Variants in ATAD2 observed in about 807,000 individuals in gnomAD.
The protein encoded by ATAD2 is ATPase family AAA domain-containing protein 2.
A neutral mutation model predicts 168.9 loss-of-function variants in ATAD2; 62 were observed. The ratio of observed to expected loss-of-function variants is 0.37; its 90% CI spans 0.30 to 0.45. ATAD2 has a LOEUF of 0.45. ATAD2 is among the 20% of genes least tolerant of loss of function. ATAD2 has a pLI of 1.00. For synonymous variants in ATAD2, 613 were observed against 571.6 expected, an observed-to-expected ratio of 1.07 and a Z score of -1.03; for missense variants, 1,419 against 1,667.8, an observed-to-expected ratio of 0.85 and a Z score of 2.60.
chr8:123,396,439 C>G lies in ATAD2; in HGVS notation c.-82G>C. The G allele has an allele frequency of 1.5e-6, 2 of 1,376,982 alleles. No individual in the cohort carries two copies. Among genetic ancestry groups the G allele is most frequent in the Admixed American group, 5.9e-5 (2 of 33,874 alleles). 85.3% of individuals were successfully genotyped at this position (1,376,982 alleles called of 1,614,324 possible). ...CTCGCAGCTCTGGCTCTTCCGCGCT[C>G]CGAATTCTGGCGCCACAAGCTCCGC... On this transcript the variant is annotated 5_prime_UTR_variant, in exon 1 of 28. Coordinates refer to ENST00000287394, the MANE Select transcript of ATAD2 (RefSeq NM_014109.4).
intron 25 of ATAD2, among the ~76,000 whole-genome samples, 187 bp downstream of exon 25, chr8:123,328,003 T>C (rs1179394411): frequency 6.6e-6 from 1 of 152,198 alleles, no homozygotes; most frequent in African/African-American, 2.4e-5. Flanking sequence ...CTAGGTCTGT[T>C]TGATGCCACA....
At chr8:123,393,334 G>C (rs950200600) in intron 1 of ATAD2, among the ~76,000 whole-genome samples, 7 of 151,962 alleles carry the variant, frequency 4.6e-5, no homozygotes, top group Admixed American at 3.9e-4. Context: ...AACATAGTGA[G>C]ACTCCATTGC....
chr8:123,328,248 A>G lies in ATAD2; in HGVS notation c.3810T>C (p.Cys1270=), dbSNP rs1827666419. 6.6e-7 allele frequency: 1 copy of G among 1,509,376 alleles called. No homozygotes were observed. The highest frequency in any genetic ancestry group is 1.4e-5 in the African/African-American group (1 of 71,002). 93.5% of individuals were successfully genotyped at this position (1,509,376 alleles called of 1,614,324 possible). ...ACTELRDKIA[C]NGDASSSQII... is the part of the protein sequence containing the mutation. ...TCTGAGAGCTAGAAGCATCTCCATT[A>G]CAAGCAATCTTGTCTCTCAATTCTG... The change falls in exon 25 of 28, where the codon TGT becomes TGC. Residue 1270 remains cysteine (C), a synonymous_variant. Coordinates refer to ENST00000287394, the MANE Select transcript of ATAD2 (RefSeq NM_014109.4).
intron 1 of ATAD2, among the ~76,000 whole-genome samples, chr8:123,382,866 A>C (rs1050524990): frequency 2.0e-5 from 3 of 152,208 alleles, no homozygotes; most frequent in African/African-American, 7.2e-5. Context: ...AGGGATTATA[A>C]ATCATTCTAC....
At chr8:123,399,367 A>G (rs1422204409), upstream of ATAD2, among the ~76,000 whole-genome samples, 2 of 152,188 alleles carry the variant, frequency 1.3e-5, no homozygotes, top group Non-Finnish European at 2.9e-5. Context: ...GCATAGTTAG[A>G]GGTGCAGGGA....
rs1563828659 is a variant in ATAD2, at chr8:123,320,712, C to CA, written c.*421dup. The CA allele has an allele frequency of 6.2e-6, 1 of 161,306 alleles. No homozygotes were observed. The highest frequency in any genetic ancestry group is 1.3e-5 in the Non-Finnish European group (1 of 74,658). The allele number at this position is 161,306 out of a possible 1,614,324, so 10.0% of individuals were successfully genotyped here. ...GGGCATTTGAAGAAAACAAAGATGA[C>CA]AAAAAAGATGGGAAGGACACAATGG... On this transcript the variant is annotated 3_prime_UTR_variant, in exon 28 of 28. Coordinates refer to ENST00000287394, the MANE Select transcript of ATAD2 (RefSeq NM_014109.4).
At chr8:123,344,689 T>C (rs1828178171) in intron 19 of ATAD2, 195 bp downstream of exon 19, 1 of 587,254 alleles carries the variant, frequency 1.7e-6, no homozygotes, top group South Asian at 2.1e-5. Flanking sequence ...GTATCCTTAA[T>C]ATATACATAC....
chr8:123,396,001 C>T (rs1252701463), intron 1 of ATAD2, among the ~76,000 whole-genome samples, 186 bp downstream of exon 1: 1 of 152,206 alleles, frequency 6.6e-6, no homozygotes, highest in Non-Finnish European at 1.5e-5. Context: ...CGGCCAGCCT[C>T]AGCTCAGCGA....
upstream of ATAD2, among the ~76,000 whole-genome samples, chr8:123,398,491 A>G (rs112324590): frequency 0.046 from 7,009 of 151,716 alleles, 561 homozygotes; most frequent in African/African-American, 0.16. Context: ...TTGGCCTCCC[A>G]AAGTTCTAGG....
rs1302154828 is a variant in ATAD2, at chr8:123,325,861, G to A, written c.4002+32C>T. On this transcript the variant is annotated intron_variant, in intron 26 of 27. Coordinates refer to ENST00000287394, the MANE Select transcript of ATAD2 (RefSeq NM_014109.4). Reference sequence around the variant, plus strand: ...AGTGTTTGGGGATTAGTAATCTGCAGAGTAAAAGCATTATGATTTCAATTT... The same window carrying A: ...AGTGTTTGGGGATTAGTAATCTGCAAAGTAAAAGCATTATGATTTCAATTT... 2.5e-6 allele frequency: 4 copies of A among 1,609,508 alleles called. No homozygotes were observed. In the South Asian group the frequency reaches 4.4e-5, roughly 18 times the overall value.
intron 1 of ATAD2, among the ~76,000 whole-genome samples, chr8:123,395,488 T>C (rs1194706101): frequency 6.6e-6 from 1 of 152,204 alleles, no homozygotes; most frequent in Non-Finnish European, 1.5e-5. Context: ...GGGAACGATT[T>C]AGGAGGCAGG....
chr8:123,334,134 A>G (rs1827852216), intron 23 of ATAD2, 66 bp downstream of exon 23: 1 of 1,540,474 alleles, frequency 6.5e-7, no homozygotes, highest in Non-Finnish European at 8.7e-7. Flanking sequence ...TGCTTCTGAA[A>G]TTCATATATT....
At chr8:123,399,384 C>T (rs971545803), upstream of ATAD2, among the ~76,000 whole-genome samples, 1 of 152,156 alleles carries the variant, frequency 6.6e-6, no homozygotes, top group African/African-American at 2.4e-5. Context: ...GGGAGTAAAG[C>T]AGTGAACCAG....
chr8:123,356,109 T>A lies in ATAD2; in HGVS notation c.1646+280A>T, dbSNP rs2891751. 15 of 167,514 alleles carry A rather than the reference T, an allele frequency of 9.0e-5. No homozygotes were observed. In the South Asian group the frequency reaches 2.8e-3, roughly 31 times the overall value. 10.4% of individuals were successfully genotyped at this position (167,514 alleles called of 1,614,324 possible). On this transcript the variant is annotated intron_variant, in intron 13 of 27. Transcript: ENST00000287394. ...CACCCGGCTAATTTTTTTTTTTTTT[T>A]AGTAGAGACAGGATTTCACCATGTT...
chr8:123,395,621 G>A (rs1450547129), intron 1 of ATAD2, among the ~76,000 whole-genome samples: 1 of 152,176 alleles, frequency 6.6e-6, no homozygotes, highest in Admixed American at 6.5e-5. Flanking sequence ...CTTGGAAGCG[G>A]GGGGCGTACA....
intron 1 of ATAD2, among the ~76,000 whole-genome samples, chr8:123,407,608 C>T (rs1813084662): frequency 6.6e-6 from 1 of 152,018 alleles, no homozygotes; most frequent in Non-Finnish European, 1.5e-5. Context: ...CCTGTAGTCC[C>T]AGCACTTTGG....
At chr8:123,396,056 C>T (rs907577804) in intron 1 of ATAD2, 131 bp downstream of exon 1, 56 of 1,100,704 alleles carry the variant, frequency 5.1e-5, no homozygotes, top group Non-Finnish European at 1.7e-5. Context: ...TTTACTCGTC[C>T]TCGACCACAC....
At chr8:123,337,538 G>C in intron 21 of ATAD2, 87 bp downstream of exon 21, 1 of 1,279,170 alleles carries the variant, frequency 7.8e-7, no homozygotes. Context: ...TAAGAGTGTA[G>C]GCAGAACCAC....
chr8:123,328,147 A>G (rs757828918), intron 25 of ATAD2, 43 bp downstream of exon 25: 1 of 1,324,940 alleles, frequency 7.5e-7, no homozygotes, highest in Non-Finnish European at 9.7e-7. Context: ...ACTTTGAAAT[A>G]TCTTTTAAAA....
Sources: allele counts gnomAD v4.1 joint callset (sites outside exome capture counted in the v4.1 genomes callset), GRCh38; gene constraint gnomAD v4.1.1; transcripts MANE v1.5; gene names NCBI Gene and HGNC (gene_info 2026-07-23, HGNC 2026-07-21).